NTM: variants seen among roughly 807,000 people sequenced by gnomAD.
NTM encodes the protein neurotrimin, also known as IgLON family member 2.
NTM carries 13 observed loss-of-function variants against 42.1 expected under a neutral mutation model. The observed-to-expected ratio is 0.31, with a 90% CI of 0.20 to 0.49. The LOEUF is 0.49. Among genes scored for constraint, NTM ranks in the 20% least tolerant of loss-of-function variants. The pLI is 0.99. For missense variants in NTM, 373 were observed against 452.8 expected, an observed-to-expected ratio of 0.82 and a Z score of 1.60; for synonymous variants, 187 against 179.2, an observed-to-expected ratio of 1.04 and a Z score of -0.35.
chr11:132,205,057 G>A (rs1263357555), intron 3 of NTM, among the ~76,000 whole-genome samples: 3 of 152,174 alleles, frequency 2.0e-5, no homozygotes, highest in Non-Finnish European at 4.4e-5. Context: ...CATTAATTCT[G>A]TAAAGACAAA....
intron 1 of NTM, among the ~76,000 whole-genome samples, chr11:131,856,501 C>T (rs1286819538): frequency 2.6e-5 from 4 of 152,192 alleles, no homozygotes; most frequent in Non-Finnish European, 5.9e-5. Context: ...CTCAAAGCCA[C>T]TGACCAGCAT....
intron 1 of NTM, among the ~76,000 whole-genome samples, chr11:131,621,313 G>C (rs2062510684): frequency 6.6e-6 from 1 of 152,154 alleles, no homozygotes; most frequent in Non-Finnish European, 1.5e-5. Flanking sequence ...AATAATTTAA[G>C]AACAGGTGTA....
At chr11:132,316,578 A>G (rs901852009) in intron 7 of NTM, among the ~76,000 whole-genome samples, 1 of 152,212 alleles carries the variant, frequency 6.6e-6, no homozygotes, top group African/African-American at 2.4e-5. Flanking sequence ...TAATGCCAGA[A>G]GTCCCGGAGC....
At chr11:131,739,455 G>A (rs2080897062) in intron 1 of NTM, among the ~76,000 whole-genome samples, 1 of 152,122 alleles carries the variant, frequency 6.6e-6, no homozygotes, top group Non-Finnish European at 1.5e-5. Context: ...TTGCATCAGT[G>A]CAATTCCAGC....
chr11:131,647,172 C>T (rs2065869214), intron 1 of NTM, among the ~76,000 whole-genome samples: 1 of 152,164 alleles, frequency 6.6e-6, no homozygotes, highest in African/African-American at 2.4e-5. Flanking sequence ...TCAAGGGGAT[C>T]GTGGAGAGGG....
intron 3 of NTM, among the ~76,000 whole-genome samples, chr11:132,192,028 C>A (rs2079398100): frequency 6.6e-6 from 1 of 151,888 alleles, no homozygotes. Flanking sequence ...GTAAAGAGAC[C>A]AAACCTACAA....
rs57877862 is a variant in NTM, at chr11:132,273,309, G to GTTT, written c.527-34356_527-34354dup. ...TTGTTGCCAGGTTTTGTTGACTAGT[G>GTTT]TTTTTTTTTTTTTTTTTTTTTTTTT... On this transcript the variant is annotated intron_variant, in intron 4 of 8. Coordinates refer to ENST00000683400, the MANE Select transcript of NTM (RefSeq NM_001352005.2). Among the ~76,000 whole-genome samples the GTTT allele has an allele frequency of 7.0e-4, 39 of 55,670 alleles. 9 individuals carry two copies. Among genetic ancestry groups the GTTT allele is most frequent in the African/African-American group, 1.2e-3 (13 of 11,174 alleles). 36.5% of individuals were successfully genotyped at this position (55,670 alleles called of 152,430 possible). A position where few individuals can be genotyped will look rare whatever the true frequency, so the allele number is the denominator to read the frequency against.
At chr11:132,286,491 G>A (rs924888057) in intron 4 of NTM, among the ~76,000 whole-genome samples, 1 of 152,112 alleles carries the variant, frequency 6.6e-6, no homozygotes, top group African/African-American at 2.4e-5. Context: ...AGAAGAACAC[G>A]ATATTACACA....
At chr11:131,806,419 A>G (rs536780507) in intron 1 of NTM, among the ~76,000 whole-genome samples, 1 of 152,200 alleles carries the variant, frequency 6.6e-6, no homozygotes, top group African/African-American at 2.4e-5. Context: ...GAGCCTCTCA[A>G]TTCCAGAGTT....
intron 2 of NTM, among the ~76,000 whole-genome samples, chr11:132,037,836 G>A (rs1181010409): frequency 6.6e-6 from 1 of 152,214 alleles, no homozygotes; most frequent in East Asian, 1.9e-4. Context: ...AATATGTGCA[G>A]GTAATATTGT....
intron 1 of NTM, among the ~76,000 whole-genome samples, chr11:131,717,655 T>C (rs1348927507): frequency 6.6e-6 from 1 of 152,230 alleles, no homozygotes; most frequent in African/African-American, 2.4e-5. Context: ...AATCAAGTAA[T>C]CTGCAAATGA....
chr11:132,211,435 C>A (rs1007763758), intron 3 of NTM, among the ~76,000 whole-genome samples: 3 of 152,242 alleles, frequency 2.0e-5, no homozygotes, highest in Admixed American at 2.0e-4. Context: ...CTGGGAGTTG[C>A]CCAGGAAGGA....
chr11:131,911,504 T>A (rs2054998374), intron 1 of NTM, 60 bp from the exon 2 acceptor site: 1 of 1,614,178 alleles, frequency 6.2e-7, no homozygotes. Flanking sequence ...GGGTACCTGT[T>A]CCTGCCCTGG....
chr11:131,382,853 A>G (rs1052438744), intron 1 of NTM, among the ~76,000 whole-genome samples: 5 of 152,230 alleles, frequency 3.3e-5, no homozygotes, highest in Non-Finnish European at 7.3e-5. Context: ...GTGAACTGTT[A>G]CTTAGCAGAT....
At chr11:131,904,370 T>C (rs2053574986) in intron 1 of NTM, among the ~76,000 whole-genome samples, 1 of 151,588 alleles carries the variant, frequency 6.6e-6, no homozygotes, top group Non-Finnish European at 1.5e-5. Flanking sequence ...CCTAGGGCTC[T>C]TTCTGTTTGA....
intron 2 of NTM, among the ~76,000 whole-genome samples, chr11:132,076,022 A>G (rs1286059361): frequency 6.6e-6 from 1 of 152,198 alleles, no homozygotes; most frequent in Non-Finnish European, 1.5e-5. Flanking sequence ...CAACAGATAC[A>G]ATAGTATTGA....
At chr11:132,191,360 CCA>C in intron 3 of NTM, among the ~76,000 whole-genome samples, 1 of 152,306 alleles carries the variant, frequency 6.6e-6, no homozygotes, top group South Asian at 2.1e-4. Context: ...GAGGACAAAG[CCA>C]CAGACCAAGT....
intron 2 of NTM, among the ~76,000 whole-genome samples, chr11:131,993,648 A>G (rs568157247): frequency 1.3e-5 from 2 of 152,306 alleles, no homozygotes; most frequent in South Asian, 2.1e-4. Context: ...AAATAAGTCT[A>G]TGAATTTCAG....
At chr11:131,946,212 C>T (rs1196134204) in intron 2 of NTM, among the ~76,000 whole-genome samples, 3 of 151,868 alleles carry the variant, frequency 2.0e-5, no homozygotes, top group Non-Finnish European at 2.9e-5. Context: ...GATGGGGAGA[C>T]GTGGGGGAAT....
Sources: allele counts gnomAD v4.1 joint callset (sites outside exome capture counted in the v4.1 genomes callset), GRCh38; gene constraint gnomAD v4.1.1; transcripts MANE v1.5; gene names NCBI Gene and HGNC (gene_info 2026-07-23, HGNC 2026-07-21).